RTF1: variants seen among roughly 807,000 people sequenced by gnomAD.
The protein encoded by RTF1 is RTF1 homolog, Paf1/RNA polymerase II complex component.
In RTF1, 10 loss-of-function variants were observed where a neutral mutation model predicts 95.7. That is an observed-to-expected ratio of 0.10 (90% CI 0.06 to 0.18). The LOEUF is 0.18. RTF1 is among the 10% of genes least tolerant of loss of function. The pLI is 1.00. For synonymous variants in RTF1, 305 were observed against 311.8 expected, an observed-to-expected ratio of 0.98 and a Z score of 0.23; for missense variants, 458 against 875.6, an observed-to-expected ratio of 0.52 and a Z score of 6.02.
intron 8 of RTF1, among the ~76,000 whole-genome samples, chr15:41,473,641 C>T (rs1005334915): frequency 1.3e-5 from 2 of 152,102 alleles, no homozygotes; most frequent in African/African-American, 4.8e-5. Context: ...GAGCTCATTG[C>T]AACCTTGAAC....
chr15:41,471,950 G>T (rs1002168677), intron 8 of RTF1, among the ~76,000 whole-genome samples: 6 of 152,064 alleles, frequency 3.9e-5, no homozygotes, highest in African/African-American at 1.4e-4. Context: ...CCAGGCTGGA[G>T]TGCAATGGCG....
intron 11 of RTF1, 143 bp from the exon 12 acceptor site, chr15:41,476,303 C>T (rs1481512378): frequency 6.1e-6 from 4 of 660,470 alleles, no homozygotes; most frequent in Non-Finnish European, 1.1e-5. Context: ...TGAACCCGCT[C>T]TCTCTCTCTC....
At chr15:41,465,667 G>C (rs2050877287) in intron 5 of RTF1, among the ~76,000 whole-genome samples, 1 of 151,992 alleles carries the variant, frequency 6.6e-6, no homozygotes, top group South Asian at 2.1e-4. Context: ...CCACTAGTGA[G>C]TGACCATCCC....
intron 1 of RTF1, among the ~76,000 whole-genome samples, chr15:41,423,019 T>G (rs2050610476): frequency 6.6e-6 from 1 of 152,016 alleles, no homozygotes; most frequent in Non-Finnish European, 1.5e-5. Context: ...TGATCCACCC[T>G]CCTCGGCCTC....
Position 41,430,518 on chromosome 15 carries a change from T to C in RTF1, c.199-7803T>C, listed in dbSNP as rs1386101552. ...ACTTTGGGAGGGTGAGGCAGGTAGA[T>C]TGCCTGAGCTCAGAGGTTCAAGACC... is the stretch of plus-strand genomic sequence containing the variant. On this transcript the variant is annotated intron_variant, in intron 1 of 17. Coordinates refer to ENST00000389629, the MANE Select transcript of RTF1 (RefSeq NM_015138.5). 3.9e-5 allele frequency among the ~76,000 whole-genome samples: 6 copies of C among 151,976 alleles called. No homozygotes were observed. In the East Asian group the frequency reaches 9.7e-4, roughly 24 times the overall value.
In RTF1 at chr15:41,472,502, C is replaced by T. The variant is rs151109878; in HGVS notation, c.1203+1153C>T. Among the ~76,000 whole-genome samples, 915 of 151,220 alleles carry T rather than the reference C, an allele frequency of 6.1e-3. 12 individuals are homozygous for T. The highest frequency in any genetic ancestry group is 0.048 in the Middle Eastern group (14 of 290). On this transcript the variant is annotated intron_variant, in intron 8 of 17. Transcript: ENST00000389629. ...GATTATTGACATGAGCCACTGAGCC[C>T]GGCCTTATTTTTAATTTTTTGTTTT...
At chr15:41,478,441 CTTT>C in intron 14 of RTF1, 104 bp from the exon 15 acceptor site, 35 of 606,280 alleles carry the variant, frequency 5.8e-5, no homozygotes, top group Non-Finnish European at 7.4e-5. Flanking sequence ...AGGATAATAG[CTTT>C]TTTTTTTTTC....
intron 2 of RTF1, among the ~76,000 whole-genome samples, chr15:41,441,306 C>T (rs2050734792): frequency 6.6e-6 from 1 of 152,094 alleles, no homozygotes; most frequent in Non-Finnish European, 1.5e-5. Context: ...TTTTATTTTT[C>T]ATGTTTCAGA....
chr15:41,458,814 G>A (rs1819164194), intron 4 of RTF1, among the ~76,000 whole-genome samples: 1 of 151,854 alleles, frequency 6.6e-6, no homozygotes. Flanking sequence ...GCTCACACTG[G>A]TAATCCCTGC....
chr15:41,444,073 AAAAC>A (rs1400791244), intron 2 of RTF1, among the ~76,000 whole-genome samples: 1 of 151,018 alleles, frequency 6.6e-6, no homozygotes, highest in Non-Finnish European at 1.5e-5. Context: ...ATCTCAAAAA[AAAAC>A]AAAGAAAAAG....
intron 2 of RTF1, among the ~76,000 whole-genome samples, chr15:41,445,734 ATTTTTTT>A (rs66494134): frequency 4.5e-5 from 6 of 132,040 alleles, no homozygotes; most frequent in Non-Finnish European, 8.2e-5. Context: ...TCCTGACCCC[ATTTTTTT>A]TTTTTTTTTT....
At chr15:41,425,761 T>C (rs932871299) in intron 1 of RTF1, among the ~76,000 whole-genome samples, 23 of 152,264 alleles carry the variant, frequency 1.5e-4, no homozygotes, top group East Asian at 1.9e-4. Flanking sequence ...GTGGAATTGG[T>C]TGGACATGAT....
chr15:41,417,202 G>A lies in RTF1; in HGVS notation c.87G>A (p.Pro29=). 1 of 1,262,892 alleles carries A rather than the reference G, an allele frequency of 7.9e-7. No individual in the cohort carries two copies. The highest frequency in any genetic ancestry group is 3.1e-5 in the East Asian group (1 of 32,044). The allele number at this position is 1,262,892 out of a possible 1,614,324, so 78.2% of individuals were successfully genotyped here. Reference sequence around the variant, plus strand: ...TGGCAGGCGGGCAAGAGGGGAGTCCGGGCGGCGGCCGGCGTGGGAGCCGGG... The same window carrying A: ...TGGCAGGCGGGCAAGAGGGGAGTCCAGGCGGCGGCCGGCGTGGGAGCCGGG... ...VPLAGGQEGS[P]GGGRRGSRGT... is the part of the protein sequence containing the mutation. The change falls in exon 1 of 18, where the codon CCG becomes CCA. Residue 29 remains proline (P), a synonymous_variant. Transcript: ENST00000389629.
chr15:41,456,817 G>A (rs1161625586), intron 3 of RTF1, among the ~76,000 whole-genome samples: 1 of 151,838 alleles, frequency 6.6e-6, no homozygotes, highest in Non-Finnish European at 1.5e-5. Flanking sequence ...CGAGCATGGT[G>A]GCTCACACCT....
intron 5 of RTF1, 112 bp from the exon 6 acceptor site, chr15:41,466,029 T>A: frequency 1.6e-6 from 1 of 635,066 alleles, no homozygotes; most frequent in African/African-American, 1.9e-5. Flanking sequence ...AAGCTCTAAG[T>A]TTTTGCAGCC....
chr15:41,434,849 G>A (rs1030605255), intron 1 of RTF1, among the ~76,000 whole-genome samples: 3 of 151,934 alleles, frequency 2.0e-5, no homozygotes, highest in Admixed American at 6.6e-5. Context: ...GGATGGTCTC[G>A]AACTCCTGAC....
intron 2 of RTF1, among the ~76,000 whole-genome samples, chr15:41,445,170 C>T (rs1046939115): frequency 1.3e-4 from 19 of 151,958 alleles, no homozygotes; most frequent in Admixed American, 2.0e-4. Context: ...CTCCTGACCT[C>T]GTGATCCACC....
intron 8 of RTF1, among the ~76,000 whole-genome samples, chr15:41,473,242 T>C (rs2050923756): frequency 6.6e-6 from 1 of 151,884 alleles, no homozygotes; most frequent in Non-Finnish European, 1.5e-5. Flanking sequence ...CACGCCATTC[T>C]CCTGCCTCAG....
rs932935811 is a variant in RTF1 at position 41,465,641 on chromosome 15, A to T, written c.778-500A>T. 6.8e-5 allele frequency among the ~76,000 whole-genome samples: 10 copies of T among 146,072 alleles called. No individual in the cohort carries two copies. The South Asian group carries it at 1.8e-3, about 26-fold the overall frequency. ...GGGCAGAAGAGCGAGGCTCTGTTTT[A>T]AAAAAAAAAAGCAGCCCACTAGTGA... On this transcript the variant is annotated intron_variant, in intron 5 of 17. Transcript: ENST00000389629.
Sources: gnomAD v4.1 joint callset for allele counts (sites outside exome capture counted in the v4.1 genomes callset) on GRCh38, gnomAD v4.1.1 for gene constraint, MANE v1.5 for transcripts, NCBI Gene and HGNC (gene_info 2026-07-23, HGNC 2026-07-21) for gene names.